GTF3C1: variants seen among roughly 807,000 people sequenced by gnomAD.
GTF3C1 encodes general transcription factor IIIC subunit 1.
A neutral mutation model predicts 226.7 loss-of-function variants in GTF3C1; 57 were observed. The ratio of observed to expected loss-of-function variants is 0.25; its 90% CI spans 0.20 to 0.31. The LOEUF (loss-of-function observed/expected upper bound fraction) is 0.31. Ranked by LOEUF, GTF3C1 falls within the 10% of genes least tolerant of loss-of-function variation. The pLI is 1.00. For synonymous variants in GTF3C1, 1,090 were observed against 1,084.8 expected (o/e 1.00, Z -0.09); for missense variants, 2,217 against 2,776.1 (o/e 0.80, Z 4.53).
At chr16:27,465,641 C>T (rs1298330548) in intron 32 of GTF3C1, 101 bp from the exon 33 acceptor site, 5 of 916,726 alleles carry the variant, frequency 5.5e-6, no homozygotes, top group Non-Finnish European at 8.2e-6. Context: ...CCAGCACCAA[C>T]TCACTGCTTC....
At position 27,470,322 on chromosome 16, in the gene GTF3C1, C is replaced by T. The variant is rs759631164; in HGVS notation, c.4600G>A (p.Gly1534Ser). ...FQFLDRMRAA[G>S]KLDQPDRFSF... ...AAACGATCAGGCTGGTCCAACTTGC[C>T]GGCAGCCCGCATTCTGTCCAAAAAC... Residue 1534 changes from glycine to serine, a missense_variant, in exon 31 of 37, where the codon GGC (glycine) becomes AGC (serine). Around this residue, in one of 12 missense-constraint regions of GTF3C1, gnomAD observed 546 missense variants for 663.0 expected, o/e 0.82. Transcript: ENST00000356183. This position sits in a 1 kb window ranked among gnomAD's most constrained non-coding sequence, Gnocchi z 4.9. 29 of 1,613,616 alleles carry T rather than the reference C, an allele frequency of 1.8e-5. No individual in the cohort carries two copies. Among genetic ancestry groups the T allele is most frequent in the Admixed American group, 3.3e-5 (2 of 60,004 alleles).
Position 27,501,439 on chromosome 16 carries a change from T to G in GTF3C1, c.1908-95A>C, listed in dbSNP as rs232072. On this transcript the variant is annotated intron_variant, in intron 11 of 36. Transcript: ENST00000356183. Reference sequence around the variant, plus strand: ...CACAGACATGCCTCACGGTACCCAATAGAAACAAGGAAGGATCAAACGGGG... The same window carrying G: ...CACAGACATGCCTCACGGTACCCAAGAGAAACAAGGAAGGATCAAACGGGG... The G allele has an allele frequency of 5.3e-4, 573 of 1,086,970 alleles. 5 individuals carry two copies. In the African/African-American group the frequency reaches 6.6e-3, roughly 13 times the overall value. 67.3% of individuals were successfully genotyped at this position (1,086,970 alleles called of 1,614,324 possible).
chr16:27,492,489 T>A lies in GTF3C1; in HGVS notation c.3000A>T (p.Ala1000=), dbSNP rs35385553. The A allele has an allele frequency of 2.1e-3, 3,389 of 1,613,368 alleles. 78 individuals are homozygous for A. In the African/African-American group the frequency reaches 0.038, roughly 18 times the overall value. The change falls in exon 19 of 37, where the codon GCA becomes GCT. Residue 1000 remains alanine, a synonymous_variant. Transcript: ENST00000356183. The surrounding 1 kb of genome is among the most constrained non-coding windows in gnomAD (Gnocchi z 5.0). ...DQVFIFLKKN[A]VIVDTTICDP... is the part of the protein sequence containing the mutation. ...CGCAGATGGTAGTGTCAACAATGAC[T>A]GCATTCTTCTTCAAGAAGATAAAGA...
Position 27,534,541 on chromosome 16 carries a change from C to T in GTF3C1, c.753-1154G>A, listed in dbSNP as rs376969160. The stretch of plus-strand genomic sequence containing the variant: ...CTGCATAGAAGGCACTGTGTCACAG[C>T]CATTTAATACAAGAGGCAACGGTGG... On this transcript the variant is annotated intron_variant, in intron 4 of 36. Coordinates refer to ENST00000356183, the MANE Select transcript of GTF3C1 (RefSeq NM_001520.4). 2.0e-5 allele frequency among the ~76,000 whole-genome samples: 3 copies of T among 152,326 alleles called. No homozygotes were observed. In the East Asian group the frequency reaches 5.8e-4, roughly 29 times the overall value.
At chr16:27,533,248 A>G in intron 5 of GTF3C1, 43 bp downstream of exon 5, 1 of 962,752 alleles carries the variant, frequency 1.0e-6, no homozygotes, top group Non-Finnish European at 1.7e-6. Context: ...CGGCTATGGT[A>G]CAGATCACAC....
chr16:27,476,889 G>A (rs937084930), intron 28 of GTF3C1, among the ~76,000 whole-genome samples: 2 of 152,216 alleles, frequency 1.3e-5, no homozygotes, highest in Admixed American at 1.3e-4. Flanking sequence ...TAAAATCAAA[G>A]TGACTATTGA....
intron 25 of GTF3C1, 179 bp from the exon 26 acceptor site, chr16:27,483,304 T>A: frequency 1.4e-6 from 1 of 691,772 alleles, no homozygotes; most frequent in Non-Finnish European, 2.6e-6. Flanking sequence ...CAGCCAAGCC[T>A]GACCTCAGTC....
intron 2 of GTF3C1, among the ~76,000 whole-genome samples, chr16:27,541,088 C>A (rs985878815): frequency 6.6e-6 from 1 of 152,106 alleles, no homozygotes; most frequent in African/African-American, 2.4e-5. Context: ...TGATCCACCC[C>A]CCTCGGCCTC....
chr16:27,497,878 G>A lies in GTF3C1; in HGVS notation c.2166-57C>T, dbSNP rs896910868. 7.8e-6 allele frequency: 11 copies of A among 1,408,554 alleles called. No homozygotes were observed. In the East Asian group the frequency reaches 2.5e-4, roughly 32 times the overall value. The allele number at this position is 1,408,554 out of a possible 1,614,324, so 87.3% of individuals were successfully genotyped here. A position where few individuals can be genotyped will look rare whatever the true frequency, so the allele number is the denominator to read the frequency against. On this transcript the variant is annotated intron_variant, in intron 13 of 36. Coordinates refer to ENST00000356183, the MANE Select transcript of GTF3C1 (RefSeq NM_001520.4). ...TGAGAAAATCAAGGGCTAAGAGAAA[G>A]GACAGAGTCTGTCTGCATGAATCAG...
chr16:27,505,027 G>A (rs1300840521), intron 10 of GTF3C1, among the ~76,000 whole-genome samples: 2 of 152,082 alleles, frequency 1.3e-5, no homozygotes, highest in African/African-American at 2.4e-5. Flanking sequence ...TAGGTGCCTC[G>A]TTCTCTACTC....
At chr16:27,495,648 C>T (rs547441589) in intron 14 of GTF3C1, among the ~76,000 whole-genome samples, 156 bp from the exon 15 acceptor site, 29 of 152,298 alleles carry the variant, frequency 1.9e-4, no homozygotes, top group Admixed American at 1.2e-3. Flanking sequence ...TGGGCAAGAA[C>T]GGATAATAAA....
chr16:27,546,549 C>T (rs2089167308), intron 1 of GTF3C1, among the ~76,000 whole-genome samples: 1 of 150,838 alleles, frequency 6.6e-6, no homozygotes, highest in South Asian at 2.1e-4. Context: ...CTATGTTGCC[C>T]AGATTGGTCT....
At chr16:27,495,859 G>A (rs2088308011) in intron 14 of GTF3C1, among the ~76,000 whole-genome samples, 1 of 152,186 alleles carries the variant, frequency 6.6e-6, no homozygotes, top group Admixed American at 6.5e-5. Context: ...CTGAGGTGGG[G>A]GTGTGCCCCG....
At chr16:27,498,603 G>A in intron 13 of GTF3C1, 27 bp downstream of exon 13, 1 of 1,154,954 alleles carries the variant, frequency 8.7e-7, no homozygotes, top group Non-Finnish European at 1.3e-6. Context: ...GCCTTGCTAT[G>A]GGTTCTTCCC....
At chr16:27,465,843 A>AGAACTGT in intron 32 of GTF3C1, 1 of 400,726 alleles carries the variant, frequency 2.5e-6, no homozygotes, top group Admixed American at 3.6e-5. Flanking sequence ...CTGAGGTTCG[A>AGAACTGT]GAACTGTAAA....
chr16:27,521,491 G>C (rs187275031), intron 6 of GTF3C1, among the ~76,000 whole-genome samples: 3 of 152,260 alleles, frequency 2.0e-5, no homozygotes, highest in Admixed American at 6.5e-5. Flanking sequence ...GGCTCCTGCT[G>C]TCTGCAGGAC....
At chr16:27,531,031 C>T (rs2088908673) in intron 5 of GTF3C1, among the ~76,000 whole-genome samples, 1 of 152,214 alleles carries the variant, frequency 6.6e-6, no homozygotes, top group South Asian at 2.1e-4. Context: ...CATCCCCTTC[C>T]CTCCACCAGC....
At position 27,502,827 on chromosome 16, in the gene GTF3C1, GCAGACAGACAGA is replaced by G. The variant is rs371689122; in HGVS notation, c.1907+20_1907+31del. 1.3e-6 allele frequency: 2 copies of G among 1,549,676 alleles called. No homozygotes were observed. Among genetic ancestry groups the G allele is most frequent in the South Asian group, 1.2e-5 (1 of 84,032 alleles). On this transcript the variant is annotated intron_variant, in intron 11 of 36. Coordinates refer to ENST00000356183, the MANE Select transcript of GTF3C1 (RefSeq NM_001520.4). ...GGTAGGAGGATTACTGTTAGTGCCA[GCAGACAGACAGA>G]CAGACAGACAGCTCCTTACGTGAAT...
intron 5 of GTF3C1, 113 bp downstream of exon 5, chr16:27,533,178 A>C (rs890527155): frequency 6.8e-6 from 4 of 585,940 alleles, no homozygotes; most frequent in Non-Finnish European, 1.2e-5. Context: ...TCTCATTTGC[A>C]TCAAATCCAG....
Sources: allele counts gnomAD v4.1 joint callset (sites outside exome capture counted in the v4.1 genomes callset), GRCh38; gene constraint gnomAD v4.1.1; regional missense constraint gnomAD v4.1.1; non-coding constraint Gnocchi (gnomAD v3.1); transcripts MANE v1.5; gene names NCBI Gene and HGNC (gene_info 2026-07-23, HGNC 2026-07-21).